CCDC93: variants seen among roughly 807,000 people sequenced by gnomAD.
The protein encoded by CCDC93 is coiled-coil domain-containing protein 93.
CCDC93 carries 61 observed loss-of-function variants against 108.2 expected under a neutral mutation model. The observed-to-expected ratio is 0.56, with a 90% CI of 0.46 to 0.70. The LOEUF (loss-of-function observed/expected upper bound fraction) is 0.70, where lower values mean the gene tolerates loss of function less well. Among genes scored for constraint, CCDC93 ranks in the 30% least tolerant of loss-of-function variants. The pLI is 0.00. For missense variants in CCDC93, 685 were observed against 764.2 expected, an observed-to-expected ratio of 0.90 and a Z score of 1.22; for synonymous variants, 276 against 260.4, an observed-to-expected ratio of 1.06 and a Z score of -0.58.
chr2:117,932,072 GCATGGCCTCCT>G (rs1678354541), intron 22 of CCDC93, among the ~76,000 whole-genome samples: 1 of 152,252 alleles, frequency 6.6e-6, no homozygotes, highest in Admixed American at 6.5e-5. Flanking sequence ...GAGGGTGGGT[GCATGGCCTCCT>G]CAGCCTGGAA....
intron 13 of CCDC93, chr2:117,950,601 G>A: frequency 3.0e-6 from 3 of 985,392 alleles, no homozygotes; most frequent in African/African-American, 1.7e-5. Flanking sequence ...TGCTGAAGAG[G>A]TCAAATCTGG....
chr2:117,983,423 C>A (rs186129557), intron 7 of CCDC93, among the ~76,000 whole-genome samples: 1 of 151,998 alleles, frequency 6.6e-6, no homozygotes, highest in African/African-American at 2.4e-5. Context: ...TTTCAGTGAA[C>A]CTTCAGAGGG....
intron 4 of CCDC93, 188 bp from the exon 5 acceptor site, chr2:117,996,550 C>T: frequency 1.9e-6 from 1 of 531,866 alleles, no homozygotes; most frequent in Non-Finnish European, 3.4e-6. Context: ...TGTTAAGATC[C>T]AATGGGACCT....
chr2:117,968,375 G>A (rs759901220), intron 11 of CCDC93, among the ~76,000 whole-genome samples: 27 of 152,186 alleles, frequency 1.8e-4, no homozygotes, highest in African/African-American at 6.3e-4. Flanking sequence ...ATGATGCAGT[G>A]AGAATATTAG....
intron 7 of CCDC93, 122 bp from the exon 8 acceptor site, chr2:117,978,152 T>C: frequency 1.2e-6 from 1 of 864,928 alleles, no homozygotes; most frequent in South Asian, 1.4e-5. Context: ...TTTGGTGACT[T>C]GAGAAAACGT....
chr2:117,945,926 A>T (rs1678857595), intron 16 of CCDC93, among the ~76,000 whole-genome samples: 2 of 152,182 alleles, frequency 1.3e-5, no homozygotes, highest in South Asian at 4.1e-4. Flanking sequence ...TGATGATTTG[A>T]GCTTTAAAGG....
intron 17 of CCDC93, chr2:117,944,698 T>C (rs1304991634): frequency 4.2e-6 from 2 of 470,694 alleles, no homozygotes. Context: ...TTCCTCAGCA[T>C]AGGGAATATA....
Position 117,952,440 on chromosome 2 carries a change from A to T in CCDC93, c.1006-5T>A, listed in dbSNP as rs1429161352. 1 of 1,608,204 alleles carries T rather than the reference A, an allele frequency of 6.2e-7. No individual in the cohort carries two copies. Among genetic ancestry groups the T allele is most frequent in the East Asian group, 2.2e-5 (1 of 44,842 alleles). On this transcript the variant is annotated splice_polypyrimidine_tract_variant and splice_region_variant and intron_variant, in intron 12 of 23. Coordinates refer to ENST00000376300, the MANE Select transcript of CCDC93 (RefSeq NM_019044.5). ...GCTGGTGTGACTTGCTCGCAGCTGT[A>T]AATGAAAGATAAAAGACATATGCTC...
chr2:118,008,396 A>T (rs1331172653), intron 2 of CCDC93, 149 bp downstream of exon 2: 1 of 582,350 alleles, frequency 1.7e-6, no homozygotes, highest in Non-Finnish European at 3.0e-6. Context: ...AAGAAGTTTG[A>T]ACACTTCCAT....
At chr2:117,970,098 C>A (rs1679714879) in intron 11 of CCDC93, among the ~76,000 whole-genome samples, 1 of 152,006 alleles carries the variant, frequency 6.6e-6, no homozygotes, top group Admixed American at 6.5e-5. Context: ...AGAGCACTGA[C>A]AAAACAAAAA....
At chr2:117,986,140 C>CCAG in intron 6 of CCDC93, 71 bp from the exon 7 acceptor site, 1 of 765,624 alleles carries the variant, frequency 1.3e-6, no homozygotes, top group Non-Finnish European at 2.3e-6. Context: ...CTGGATGCCT[C>CCAG]CAGCCATGGG....
At chr2:117,958,735 T>C (rs555490178) in intron 11 of CCDC93, among the ~76,000 whole-genome samples, 1 of 152,294 alleles carries the variant, frequency 6.6e-6, no homozygotes, top group African/African-American at 2.4e-5. Flanking sequence ...ATAACTGTGG[T>C]TATGTCAATA....
chr2:117,985,148 A>AC (rs1030296689), intron 7 of CCDC93, among the ~76,000 whole-genome samples: 6 of 62,828 alleles, frequency 9.5e-5, no homozygotes, highest in African/African-American at 5.2e-4. Flanking sequence ...AAACAAAACA[A>AC]AAAAAAAAAA....
chr2:117,996,254 C>A lies in CCDC93; in HGVS notation c.462+10G>T. On this transcript the variant is annotated intron_variant, in intron 5 of 23. Coordinates refer to ENST00000376300, the MANE Select transcript of CCDC93 (RefSeq NM_019044.5). ...TCAGTGGGACAAGAAAATAAAATCA[C>A]AATACTGACCTCAGGGAGACTGTAA... 1 of 1,565,986 alleles carries A rather than the reference C, an allele frequency of 6.4e-7. No individual in the cohort carries two copies. The highest frequency in any genetic ancestry group is 8.8e-7 in the Non-Finnish European group (1 of 1,136,794).
At chr2:117,939,939 G>A (rs1678646254) in intron 19 of CCDC93, among the ~76,000 whole-genome samples, 1 of 152,212 alleles carries the variant, frequency 6.6e-6, no homozygotes, top group South Asian at 2.1e-4. Context: ...GACGATGCAG[G>A]ACTTAGTATT....
Position 117,946,826 on chromosome 2 carries a change from T to C in CCDC93, c.1281A>G (p.Pro427=). 1 of 1,612,682 alleles carries C rather than the reference T, an allele frequency of 6.2e-7. No individual in the cohort carries two copies. The highest frequency in any genetic ancestry group is 8.5e-7 in the Non-Finnish European group (1 of 1,178,634). Residue 427 remains proline, a synonymous_variant, in exon 16 of 24, where the codon CCA becomes CCG. Transcript: ENST00000376300. Reference sequence around the variant, plus strand: ...GAGCCTTTACCTTTTCATCTCCACGTGGTGCTCTCTCAGCTTTCAGGTTTT... The same window carrying C: ...GAGCCTTTACCTTTTCATCTCCACGCGGTGCTCTCTCAGCTTTCAGGTTTT... ...EIENLKAERA[P]RGDEKTLSSG...
At chr2:117,942,932 T>C (rs1678749596) in intron 18 of CCDC93, among the ~76,000 whole-genome samples, 3 of 152,268 alleles carry the variant, frequency 2.0e-5, no homozygotes, top group Admixed American at 2.0e-4. Flanking sequence ...TTCTCTTTTA[T>C]GCTTCTCCTC....
intron 3 of CCDC93, among the ~76,000 whole-genome samples, chr2:118,004,787 TAA>T (rs1387606204): frequency 6.6e-6 from 1 of 152,176 alleles, no homozygotes; most frequent in Admixed American, 6.5e-5. Flanking sequence ...GCTCTGCACT[TAA>T]GAGACACACA....
rs774859788 is a variant in CCDC93, at chr2:117,948,171, C to T, written c.1158G>A (p.Leu386=). ...TTTCATTCATGGCTACAAGTGCTCT[C>T]AGGTTCTGTAGGATACTGAAGAGAA... ...SKADPSILQN[L]RALVAMNENL... Residue 386 remains leucine, a synonymous_variant, in exon 15 of 24, where the codon CTG becomes CTA. Transcript: ENST00000376300. 1.1e-5 allele frequency: 17 copies of T among 1,613,216 alleles called. No individual in the cohort carries two copies. Among genetic ancestry groups the T allele is most frequent in the Non-Finnish European group, 1.4e-5 (17 of 1,179,430 alleles).
Sources: allele counts gnomAD v4.1 joint callset (sites outside exome capture counted in the v4.1 genomes callset), GRCh38; gene constraint gnomAD v4.1.1; transcripts MANE v1.5; gene names NCBI Gene and HGNC (gene_info 2026-07-23, HGNC 2026-07-21).